AXL: variants seen among roughly 807,000 people sequenced by gnomAD.
AXL encodes tyrosine-protein kinase receptor UFO.
Under a neutral mutation model 104.5 loss-of-function variants are expected in AXL, and 52 were observed. The ratio of observed to expected loss-of-function variants is 0.50; its 90% CI spans 0.40 to 0.63. AXL has a LOEUF of 0.63. AXL is among the 20% of genes least tolerant of loss of function. The pLI, the probability that AXL is intolerant of heterozygous loss-of-function variation, is 0.00. For missense variants in AXL, 1,024 were observed against 1,188.5 expected (o/e 0.86, Z 2.04); for synonymous variants, 455 against 473.7 (o/e 0.96, Z 0.51).
chr19:41,220,978 G>A, intron 2 of AXL, 120 bp downstream of exon 2: 1 of 1,276,500 alleles, frequency 7.8e-7, no homozygotes. Flanking sequence ...GCATGTGATG[G>A]AACCTCTAGG....
chr19:41,259,034 A>G (rs2034495616), intron 19 of AXL, among the ~76,000 whole-genome samples: 1 of 152,188 alleles, frequency 6.6e-6, no homozygotes, highest in African/African-American at 2.4e-5. Flanking sequence ...TACTCACAAC[A>G]TGGCAACCCA....
At chr19:41,251,740 A>AAAAAC (rs528222318) in intron 14 of AXL, among the ~76,000 whole-genome samples, 141 of 150,856 alleles carry the variant, frequency 9.3e-4, no homozygotes, top group African/African-American at 3.1e-3. Context: ...AAACAAAAAC[A>AAAAAC]AAAACAAAAC....
Position 41,248,795 on chromosome 19 carries a change from C to T in AXL, c.1686C>T (p.Leu562=), listed in dbSNP as rs767998285. Residue 562 remains leucine (L), a synonymous_variant, in exon 14 of 20, where the codon CTC becomes CTT. Coordinates refer to ENST00000301178, the MANE Select transcript of AXL (RefSeq NM_021913.5). ...EGQLNQDDSI[L]KVAVKTMKIA... ...AGCTCAACCAGGACGACTCCATCCT[C>T]AAGGTGGCTGTGAAGACGATGAAGA... 9 of 1,613,244 alleles carry T rather than the reference C, an allele frequency of 5.6e-6. No individual in the cohort carries two copies. The Admixed American group carries it at 1.5e-4, about 27-fold the overall frequency.
In AXL at chr19:41,239,734, C is replaced by T. The variant is rs762321027; in HGVS notation, c.1312+14C>T. On this transcript the variant is annotated intron_variant, in intron 10 of 19. Coordinates refer to ENST00000301178, the MANE Select transcript of AXL (RefSeq NM_021913.5). ...TCCACCAGCTGGGTAAGGGCTTCCACACCCCATCTCCTCCTTCCCTACCCT... is the reference window on the plus strand; with the variant it reads ...TCCACCAGCTGGGTAAGGGCTTCCATACCCCATCTCCTCCTTCCCTACCCT... The T allele has an allele frequency of 3.7e-6, 6 of 1,614,126 alleles. No homozygotes were observed. The South Asian group carries it at 6.6e-5, about 18-fold the overall frequency.
intron 14 of AXL, among the ~76,000 whole-genome samples, chr19:41,251,188 A>G (rs1473160930): frequency 6.6e-6 from 1 of 152,174 alleles, no homozygotes; most frequent in Non-Finnish European, 1.5e-5. Context: ...CTGTAATCCC[A>G]GTGCTTTGGG....
At chr19:41,245,316 C>G (rs978352985) in intron 12 of AXL, among the ~76,000 whole-genome samples, 4 of 152,184 alleles carry the variant, frequency 2.6e-5, no homozygotes, top group African/African-American at 9.7e-5. Flanking sequence ...TGCATGTACT[C>G]TACACCCTTA....
intron 14 of AXL, among the ~76,000 whole-genome samples, chr19:41,249,972 C>T (rs1024807733): frequency 9.9e-5 from 15 of 152,232 alleles, no homozygotes; most frequent in African/African-American, 2.9e-4. Context: ...GGGGCCGGCC[C>T]ACTGTGATAC....
chr19:41,247,592 G>T (rs1329135822), intron 12 of AXL, among the ~76,000 whole-genome samples: 1 of 152,136 alleles, frequency 6.6e-6, no homozygotes, highest in African/African-American at 2.4e-5. Flanking sequence ...TTTTGTGTGT[G>T]TGTTTTGTTT....
chr19:41,224,448 C>A (rs2033844318), intron 4 of AXL, among the ~76,000 whole-genome samples: 1 of 152,044 alleles, frequency 6.6e-6, no homozygotes, highest in Non-Finnish European at 1.5e-5. Flanking sequence ...TCATGGCTCA[C>A]TGTAGCCTCC....
At chr19:41,250,432 G>T (rs1206515427) in intron 14 of AXL, among the ~76,000 whole-genome samples, 1 of 152,022 alleles carries the variant, frequency 6.6e-6, no homozygotes, top group Non-Finnish European at 1.5e-5. Context: ...AGGTTATTTT[G>T]TTTGTTTTGC....
intron 6 of AXL, among the ~76,000 whole-genome samples, chr19:41,231,579 A>G (rs1435528409): frequency 2.6e-5 from 4 of 152,178 alleles, no homozygotes; most frequent in Admixed American, 6.5e-5. Context: ...TGAAAATTCA[A>G]TGAGTGAATG....
intron 9 of AXL, among the ~76,000 whole-genome samples, 189 bp downstream of exon 9, chr19:41,239,503 T>TTTACCTGTGCCACACCCTCACTCCC (rs2034142374): frequency 7.1e-6 from 1 of 140,762 alleles, no homozygotes; most frequent in Non-Finnish European, 1.6e-5. Context: ...GCCTCACTCC[T>TTTACCTGTGCCACACCCTCACTCCC]TTACCCGTGC....
At chr19:41,242,823 G>A in intron 10 of AXL, 60 bp from the exon 11 acceptor site, 2 of 1,602,746 alleles carry the variant, frequency 1.2e-6, no homozygotes, top group South Asian at 2.2e-5. Flanking sequence ...CACCCCTTTG[G>A]GTCCCAGAGA....
rs111653926 is a variant in AXL at position 41,249,272 on chromosome 19, C to G, written c.1711+452C>G. Among the ~76,000 whole-genome samples the G allele has an allele frequency of 2.9e-3, 444 of 151,008 alleles. 2 individuals carry two copies. Among genetic ancestry groups the G allele is most frequent in the African/African-American group, 0.01 (427 of 41,134 alleles). On this transcript the variant is annotated intron_variant, in intron 14 of 19. Coordinates refer to ENST00000301178, the MANE Select transcript of AXL (RefSeq NM_021913.5). ...TAGGCAATATGGTGAAACCACATGT[C>G]TATGAAAAAAAAAATAATAATAGTA...
intron 12 of AXL, among the ~76,000 whole-genome samples, chr19:41,248,121 G>T (rs1017294253): frequency 1.3e-5 from 2 of 151,752 alleles, no homozygotes; most frequent in African/African-American, 2.4e-5. Flanking sequence ...ACAGAGATTC[G>T]CCATGTTGCC....
At chr19:41,250,177 T>C (rs531010747) in intron 14 of AXL, among the ~76,000 whole-genome samples, 60 of 152,322 alleles carry the variant, frequency 3.9e-4, no homozygotes, top group Non-Finnish European at 7.9e-4. Flanking sequence ...TAGGACATGC[T>C]TGTTAATGTG....
chr19:41,255,671 C>T (rs1242743821), intron 17 of AXL, among the ~76,000 whole-genome samples: 8 of 151,724 alleles, frequency 5.3e-5, no homozygotes, highest in African/African-American at 1.9e-4. Flanking sequence ...GAACTCCTAG[C>T]CTCAAGTGAT....
At position 41,253,660 on chromosome 19, in the gene AXL, T is replaced by G. The variant is rs1479870272; in HGVS notation, c.1988T>G (p.Leu663Arg). The G allele has an allele frequency of 1.2e-6, 2 of 1,613,592 alleles. No homozygotes were observed. The highest frequency in any genetic ancestry group is 1.7e-5 in the Admixed American group (1 of 59,946). ...GACATCGCCAGTGGCATGGAGTATC[T>G]GAGTACCAAGAGATTCATACACCGG... ...MADIASGMEY[L>R]STKRFIHRDL... Residue 663 changes from leucine (L) to arginine (R), a missense_variant, in exon 17 of 20, where the codon CTG becomes CGG. By Grantham distance (102) the Leu-to-Arg change is moderately radical. Coordinates refer to ENST00000301178, the MANE Select transcript of AXL (RefSeq NM_021913.5).
Position 41,255,614 on chromosome 19 carries a change from A to AT in AXL, c.2037-831dup, listed in dbSNP as rs555514889. On this transcript the variant is annotated intron_variant, in intron 17 of 19. Coordinates refer to ENST00000301178, the MANE Select transcript of AXL (RefSeq NM_021913.5). The stretch of plus-strand genomic sequence containing the variant: ...GCCACCATGTCCAGCTAATTTTTAA[A>AT]TTTTTTTGTAGAGACAGGGTCTTGC... Among the ~76,000 whole-genome samples, 562 of 151,698 alleles carry AT rather than the reference A, an allele frequency of 3.7e-3. 6 individuals are homozygous for AT. The highest frequency in any genetic ancestry group is 0.013 in the African/African-American group (530 of 41,370).
Sources: allele counts gnomAD v4.1 joint callset (sites outside exome capture counted in the v4.1 genomes callset), GRCh38; gene constraint gnomAD v4.1.1; transcripts MANE v1.5; gene names NCBI Gene and HGNC (gene_info 2026-07-23, HGNC 2026-07-21).